The following CATSPERE variants were observed in gnomAD, a reference collection of about 807,000 sequenced individuals.
CATSPERE encodes the protein catsper channel auxiliary subunit epsilon, also known as cation channel sperm-associated auxiliary subunit epsilon.
In CATSPERE, 93 loss-of-function variants were observed where a neutral mutation model predicts 114.1. The observed-to-expected ratio is 0.81, with a 90% confidence interval of 0.69 to 0.97. The LOEUF is 0.97. Ranked by LOEUF, CATSPERE falls within the 50% of genes least tolerant of loss-of-function variation. The pLI, the probability that CATSPERE is intolerant of heterozygous loss-of-function variation, is 0.00. For missense variants in CATSPERE, 1,058 were observed against 1,131.6 expected, an observed-to-expected ratio of 0.93 and a Z score of 0.93; for synonymous variants, 341 against 384.1, an observed-to-expected ratio of 0.89 and a Z score of 1.31.
Position 244,639,938 on chromosome 1 carries a change from T to C in CATSPERE, c.2713T>C (p.Tyr905His). Residue 905 changes from tyrosine (Y) to histidine (H), a missense_variant, in exon 22 of 22, where the codon TAC becomes CAC. Physicochemically the swap from Tyr to His is moderately conservative, Grantham distance 83 (BLOSUM62 2). This residue lies in a region of CATSPERE where 787 missense variants were observed against 905.6 expected (regional missense o/e 0.87). Transcript: ENST00000366534. ...TFGLIPSPSV[Y>H]LVASFLFVLM... The stretch of plus-strand genomic sequence containing the variant: ...TTTTTCTGATTTCAGTCCAAGTGTC[T>C]ACCTGGTAGCTTCTTTCCTCTTCGT... The C allele has an allele frequency of 6.5e-7, 1 of 1,545,718 alleles. No homozygotes were observed. The highest frequency in any genetic ancestry group is 8.7e-7 in the Non-Finnish European group (1 of 1,145,364).
At chr1:244,582,921 AT>A (rs1202957642) in intron 12 of CATSPERE, among the ~76,000 whole-genome samples, 1 of 716 alleles carries the variant, frequency 1.4e-3, no homozygotes, top group Non-Finnish European at 3.2e-3. Flanking sequence ...ATATATATAT[AT>A]ATATATATAT....
chr1:244,575,200 T>C lies in CATSPERE; in HGVS notation c.1950+2428T>C, dbSNP rs1486835241. ...CCCTTCCTCTCTTACACTTAGTTTCTTGGGCTGGGTGGGATCCTTGTGGCC... is the reference window on the plus strand; with the variant it reads ...CCCTTCCTCTCTTACACTTAGTTTCCTGGGCTGGGTGGGATCCTTGTGGCC... On this transcript the variant is annotated intron_variant, in intron 11 of 21. Transcript: ENST00000366534. The surrounding 1 kb of genome is among the most constrained non-coding windows in gnomAD (Gnocchi z 4.5). 6.6e-6 allele frequency among the ~76,000 whole-genome samples: 1 copy of C among 152,228 alleles called. No individual in the cohort carries two copies. The highest frequency in any genetic ancestry group is 1.5e-5 in the Non-Finnish European group (1 of 68,030).
intron 4 of CATSPERE, 31 bp downstream of exon 4, chr1:244,478,006 C>A: frequency 4.2e-6 from 6 of 1,434,368 alleles, no homozygotes; most frequent in East Asian, 4.6e-5. Flanking sequence ...GTTATTAAAT[C>A]TTGAATAATC....
chr1:244,484,615 G>A (rs910945753), intron 5 of CATSPERE, among the ~76,000 whole-genome samples: 14 of 152,068 alleles, frequency 9.2e-5, no homozygotes, highest in Admixed American at 2.0e-4. Flanking sequence ...TTCCCTTCCC[G>A]GTTTATGGCT....
At chr1:244,523,252 T>C (rs1426357148) in intron 8 of CATSPERE, among the ~76,000 whole-genome samples, 2 of 148,670 alleles carry the variant, frequency 1.3e-5, no homozygotes, top group African/African-American at 5.2e-5. Context: ...ATTATCTCAA[T>C]AGATGCAGAA....
chr1:244,570,534 G>A (rs1318642968), intron 10 of CATSPERE, among the ~76,000 whole-genome samples: 2 of 152,012 alleles, frequency 1.3e-5, no homozygotes, highest in African/African-American at 2.4e-5. Context: ...TATTTTCTAA[G>A]CATTTAAAGC....
chr1:244,513,246 G>A (rs1176591020), intron 7 of CATSPERE, among the ~76,000 whole-genome samples: 1 of 152,192 alleles, frequency 6.6e-6, no homozygotes, highest in Non-Finnish European at 1.5e-5. Context: ...CAATCCCCAG[G>A]CCTCCAGGTG....
intron 11 of CATSPERE, among the ~76,000 whole-genome samples, chr1:244,580,717 T>C (rs1458129188): frequency 6.6e-6 from 1 of 152,068 alleles, no homozygotes; most frequent in Non-Finnish European, 1.5e-5. Context: ...TTCCTTACTT[T>C]TCGGCCAGGC....
At chr1:244,526,647 T>C (rs1678654477) in intron 8 of CATSPERE, among the ~76,000 whole-genome samples, 1 of 140,738 alleles carries the variant, frequency 7.1e-6, no homozygotes, top group African/African-American at 3.0e-5. Flanking sequence ...GCTTAGTCTT[T>C]TTCTTTTTTT....
chr1:244,491,327 C>T (rs1672114331), intron 6 of CATSPERE, among the ~76,000 whole-genome samples: 1 of 152,090 alleles, frequency 6.6e-6, no homozygotes, highest in Non-Finnish European at 1.5e-5. Context: ...AACTGAACAA[C>T]CTGCTCCTGA....
At position 244,581,918 on chromosome 1, in the gene CATSPERE, G is replaced by C. The variant is rs1031817119; in HGVS notation, c.2009+64G>C. The C allele has an allele frequency of 2.3e-5, 16 of 706,760 alleles. No homozygotes were observed. The East Asian group carries it at 4.3e-4, about 19-fold the overall frequency. 43.8% of individuals were successfully genotyped at this position (706,760 alleles called of 1,614,324 possible). ...TATGCTACTCAGGTTATTGATTTGT[G>C]GGTGTTCTTTTATTTAAATGGCCTC... is the stretch of plus-strand genomic sequence containing the variant. On this transcript the variant is annotated intron_variant, in intron 12 of 21. Coordinates refer to ENST00000366534, the MANE Select transcript of CATSPERE (RefSeq NM_001130957.2).
At chr1:244,451,534 G>A, upstream of CATSPERE, 3 of 1,278,214 alleles carry the variant, frequency 2.3e-6, no homozygotes. The surrounding 1 kb of genome is among the most constrained non-coding windows in gnomAD (Gnocchi z 6.6). Flanking sequence ...ACCTCATTTT[G>A]GCCAGTGGAT....
At chr1:244,472,716 T>C (rs1238189197) in intron 2 of CATSPERE, among the ~76,000 whole-genome samples, 1 of 152,230 alleles carries the variant, frequency 6.6e-6, no homozygotes, top group Non-Finnish European at 1.5e-5. Context: ...ATGACATGTT[T>C]CTACCATTAT....
In CATSPERE at chr1:244,556,192, T is replaced by C. The variant is rs556541239; in HGVS notation, c.1029+3378T>C. On this transcript the variant is annotated intron_variant, in intron 9 of 21. Transcript: ENST00000366534. The stretch of plus-strand genomic sequence containing the variant: ...TAGCTTGGGTGACAGAATGAGACAC[T>C]TTCTCTAAAGAATATATATATATAA... 7.1e-4 allele frequency among the ~76,000 whole-genome samples: 108 copies of C among 152,216 alleles called. 1 individual carries two copies. The highest frequency in any genetic ancestry group is 3.4e-3 in the Middle Eastern group (1 of 294).
At chr1:244,546,613 A>G (rs1236099009) in intron 8 of CATSPERE, among the ~76,000 whole-genome samples, 2 of 152,256 alleles carry the variant, frequency 1.3e-5, no homozygotes, top group Non-Finnish European at 2.9e-5. Flanking sequence ...AAAACAATAC[A>G]TGATCAGAAT....
chr1:244,579,448 A>T (rs1665844565), intron 11 of CATSPERE, among the ~76,000 whole-genome samples: 1 of 152,160 alleles, frequency 6.6e-6, no homozygotes, highest in South Asian at 2.1e-4. Context: ...TACTCGTGAA[A>T]CACCTTTTTC....
At chr1:244,456,784 T>C (rs1666200656), upstream of CATSPERE, among the ~76,000 whole-genome samples, 1 of 152,192 alleles carries the variant, frequency 6.6e-6, no homozygotes, top group Non-Finnish European at 1.5e-5. Context: ...TTATCTTCAC[T>C]TCTGTCTGGT....
At chr1:244,587,727 A>G (rs7541784) in intron 13 of CATSPERE, among the ~76,000 whole-genome samples, 96,711 of 152,110 alleles carry the variant, frequency 0.64, 32,339 homozygotes, top group Middle Eastern at 0.81. Context: ...AGGAATAACA[A>G]TAGTAAGATG....
intron 8 of CATSPERE, among the ~76,000 whole-genome samples, chr1:244,519,028 A>G (rs536481076): frequency 7.0e-4 from 104 of 148,670 alleles, no homozygotes; most frequent in Admixed American, 2.3e-3. Context: ...ACACACATAC[A>G]CACACACACA....
Sources: gnomAD v4.1 joint callset for allele counts (sites outside exome capture counted in the v4.1 genomes callset) on GRCh38, gnomAD v4.1.1 for gene constraint, gnomAD v4.1.1 regional missense constraint, Gnocchi (gnomAD v3.1) non-coding constraint, MANE v1.5 for transcripts, NCBI Gene and HGNC (gene_info 2026-07-23, HGNC 2026-07-21) for gene names.